PIPOX: variants seen among roughly 807,000 people sequenced by gnomAD.
PIPOX encodes the protein peroxisomal sarcosine oxidase.
Under a neutral mutation model 47.9 loss-of-function variants are expected in PIPOX, and 45 were observed. The observed-to-expected ratio is 0.94, with a 90% CI of 0.74 to 1.20. PIPOX has a LOEUF of 1.20. PIPOX is among the 50% of genes most tolerant of loss of function. PIPOX has a pLI of 0.00. For missense variants in PIPOX, 458 were observed against 498.4 expected, an observed-to-expected ratio of 0.92 and a Z score of 0.77; for synonymous variants, 165 against 191.3, an observed-to-expected ratio of 0.86 and a Z score of 1.13.
At chr17:29,056,092 C>A in intron 7 of PIPOX, 83 bp from the exon 8 acceptor site, 1 of 1,551,664 alleles carries the variant, frequency 6.4e-7, no homozygotes, top group Non-Finnish European at 8.8e-7. Flanking sequence ...GGACAGTCAG[C>A]CCTGTCTGGG....
At chr17:29,045,733 C>T (rs184798914) in intron 2 of PIPOX, among the ~76,000 whole-genome samples, 468 of 152,092 alleles carry the variant, frequency 3.1e-3, no homozygotes, top group African/African-American at 0.011. Context: ...GTCAAATCAA[C>T]ATCCTAACTT....
At chr17:29,051,047 G>A (rs114416061) in intron 2 of PIPOX, among the ~76,000 whole-genome samples, 4 of 151,812 alleles carry the variant, frequency 2.6e-5, no homozygotes, top group African/African-American at 4.8e-5. Context: ...GCTTACACCC[G>A]GGGGCAGAGG....
At chr17:29,046,256 TG>T (rs1359740217) in intron 2 of PIPOX, among the ~76,000 whole-genome samples, 1 of 152,196 alleles carries the variant, frequency 6.6e-6, no homozygotes, top group Non-Finnish European at 1.5e-5. Flanking sequence ...CTCTGTCAGT[TG>T]TCTGTGAATA....
chr17:29,053,621 T>G, intron 4 of PIPOX, 26 bp downstream of exon 4: 1 of 1,545,358 alleles, frequency 6.5e-7, no homozygotes, highest in Non-Finnish European at 8.8e-7. Context: ...AGCCCGAGAG[T>G]TGGTGCTCAA....
At chr17:29,046,072 C>A (rs1159952564) in intron 2 of PIPOX, among the ~76,000 whole-genome samples, 1 of 152,136 alleles carries the variant, frequency 6.6e-6, no homozygotes, top group East Asian at 1.9e-4. Flanking sequence ...TGGCCAGGAA[C>A]CAAGAGGTTA....
At chr17:29,050,509 C>G (rs369244076) in intron 2 of PIPOX, among the ~76,000 whole-genome samples, 1 of 152,172 alleles carries the variant, frequency 6.6e-6, no homozygotes, top group South Asian at 2.1e-4. Context: ...GCCTGGGCAA[C>G]ATACTGTGTG....
intron 1 of PIPOX, 125 bp downstream of exon 1, chr17:29,043,464 G>T: frequency 1.6e-6 from 1 of 610,516 alleles, no homozygotes. Context: ...AAAATTCTGT[G>T]TAATTTGTAT....
chr17:29,050,241 A>T (rs139557288), intron 2 of PIPOX, among the ~76,000 whole-genome samples: 1 of 152,202 alleles, frequency 6.6e-6, no homozygotes, highest in Non-Finnish European at 1.5e-5. Context: ...AGATTAGAAT[A>T]TGCTGCTCTG....
At chr17:29,048,243 G>A (rs1190844556) in intron 2 of PIPOX, among the ~76,000 whole-genome samples, 2 of 152,104 alleles carry the variant, frequency 1.3e-5, no homozygotes, top group South Asian at 2.1e-4. Flanking sequence ...TTCATCATCT[G>A]TGTGGTTCTT....
At chr17:29,051,757 C>T (rs2065807292) in intron 2 of PIPOX, among the ~76,000 whole-genome samples, 1 of 152,158 alleles carries the variant, frequency 6.6e-6, no homozygotes, top group South Asian at 2.1e-4. Context: ...CCTAGGAGAC[C>T]ATCTATCGGT....
At chr17:29,052,111 T>C in intron 2 of PIPOX, 1 of 455,494 alleles carries the variant, frequency 2.2e-6, no homozygotes, top group East Asian at 7.0e-5. Context: ...AGGCAGCCTC[T>C]GAGGAATGAG....
Position 29,056,358 on chromosome 17 carries a change from G to A in PIPOX, c.*53G>A, listed in dbSNP as rs2065828425. ...CACAGGAGCCAGTTTCACAGATGGA[G>A]AAGATGTCTCAGATGAAGGGAGTGT... On this transcript the variant is annotated 3_prime_UTR_variant, in exon 8 of 8. Coordinates refer to ENST00000323372, the MANE Select transcript of PIPOX (RefSeq NM_016518.3). The A allele has an allele frequency of 2.5e-6, 4 of 1,606,908 alleles. No homozygotes were observed. The South Asian group carries it at 3.3e-5, about 13-fold the overall frequency.
intron 2 of PIPOX, among the ~76,000 whole-genome samples, chr17:29,051,228 A>T (rs945990121): frequency 6.6e-6 from 1 of 152,146 alleles, no homozygotes; most frequent in Non-Finnish European, 1.5e-5. Flanking sequence ...AGGGATTTCC[A>T]CTGCATCTTT....
Position 29,045,467 on chromosome 17 carries a change from G to C in PIPOX, c.263+460G>C, listed in dbSNP as rs147757847. On this transcript the variant is annotated intron_variant, in intron 2 of 7. Coordinates refer to ENST00000323372, the MANE Select transcript of PIPOX (RefSeq NM_016518.3). ...CGCTTTTTTGTCAGGCTGGAGTGTA[G>C]TGGCGCCATCTTGGCTCACTGCAAC... 4.6e-3 allele frequency among the ~76,000 whole-genome samples: 579 copies of C among 126,154 alleles called. 5 individuals are homozygous for C. The highest frequency in any genetic ancestry group is 0.016 in the African/African-American group (536 of 33,806). 82.8% of individuals were successfully genotyped at this position (126,154 alleles called of 152,430 possible).
rs898802285 is a variant in PIPOX, at chr17:29,046,102, C to T, written c.263+1095C>T. ...AGGTTAGTGTTCTGTTGCAAAAATA[C>T]CATTAACTTAAGAACAAAGTGAAAT... On this transcript the variant is annotated intron_variant, in intron 2 of 7. Transcript: ENST00000323372. 5.9e-5 allele frequency among the ~76,000 whole-genome samples: 9 copies of T among 152,294 alleles called. No individual in the cohort carries two copies. The East Asian group carries it at 1.7e-3, about 29-fold the overall frequency.
intron 2 of PIPOX, among the ~76,000 whole-genome samples, chr17:29,045,403 CTTTTTTT>C (rs57047541): frequency 1.6e-4 from 8 of 50,980 alleles, no homozygotes; most frequent in East Asian, 7.6e-4. Context: ...CAGGAGGATT[CTTTTTTT>C]TTTTTTTTTT....
chr17:29,050,140 GAAGGAGGAAAGA>G (rs2065800464), intron 2 of PIPOX, among the ~76,000 whole-genome samples: 1 of 152,154 alleles, frequency 6.6e-6, no homozygotes. Context: ...AAGAAGGAAA[GAAGGAGGAAAGA>G]AAGGAGGAAG....
Position 29,043,262 on chromosome 17 carries a change from A to C in PIPOX, c.37A>C (p.Ile13Leu). 6.2e-7 allele frequency: 1 copy of C among 1,613,456 alleles called. No individual in the cohort carries two copies. The highest frequency in any genetic ancestry group is 1.1e-5 in the South Asian group (1 of 91,026). Residue 13 changes from isoleucine (I) to leucine (L), a missense_variant, in exon 1 of 8, where the codon ATT becomes CTT. Ile to Leu is a conservative substitution (Grantham distance 5). Coordinates refer to ENST00000323372, the MANE Select transcript of PIPOX (RefSeq NM_016518.3). Reference sequence around the variant, plus strand: ...GAAAGATCTCTGGGACGCCATTGTGATTGGGGCGGGGATCCAGGGCTGCTT... The same window carrying C: ...GAAAGATCTCTGGGACGCCATTGTGCTTGGGGCGGGGATCCAGGGCTGCTT... ...AQKDLWDAIV[I>L]GAGIQGCFTA...
chr17:29,052,425 A>G (rs927243215), intron 2 of PIPOX, among the ~76,000 whole-genome samples: 1 of 152,258 alleles, frequency 6.6e-6, no homozygotes, highest in African/African-American at 2.4e-5. Flanking sequence ...GCTGGAAATC[A>G]GCATGAGAAT....
Sources: gnomAD v4.1 joint callset for allele counts (sites outside exome capture counted in the v4.1 genomes callset) on GRCh38, gnomAD v4.1.1 for gene constraint, MANE v1.5 for transcripts, NCBI Gene and HGNC (gene_info 2026-07-23, HGNC 2026-07-21) for gene names.